SUPT7L: variants seen among roughly 807,000 people sequenced by gnomAD.
The protein encoded by SUPT7L is STAGA complex 65 subunit gamma.
A neutral mutation model predicts 35.7 loss-of-function variants in SUPT7L; 15 were observed. The ratio of observed to expected loss-of-function variants is 0.42; its 90% CI spans 0.28 to 0.65. SUPT7L has a LOEUF of 0.65. SUPT7L is among the 30% of genes least tolerant of loss of function. The pLI is 0.23. For synonymous variants in SUPT7L, 168 were observed against 186.2 expected (o/e 0.90, Z 0.79); for missense variants, 434 against 522.2 (o/e 0.83, Z 1.65).
rs1264433987 is a variant in SUPT7L at position 27,651,433 on chromosome 2, A to AT, written c.*2051dup. The AT allele has an allele frequency of 6.6e-6, 1 of 152,336 alleles. No homozygotes were observed. The highest frequency in any genetic ancestry group is 1.5e-5 in the Non-Finnish European group (1 of 68,042). 9.4% of individuals were successfully genotyped at this position (152,336 alleles called of 1,614,324 possible). A position where few individuals can be genotyped will look rare whatever the true frequency, so the allele number is the denominator to read the frequency against. ...ATCCTCACATCATTTGCCTTCTCAT[A>AT]TTTCCCTCGTCTTGACCATCTGGTG... On this transcript the variant is annotated 3_prime_UTR_variant, in exon 6 of 6. Transcript: ENST00000337768.
intron 5 of SUPT7L, among the ~76,000 whole-genome samples, 180 bp downstream of exon 5, chr2:27,655,185 A>G (rs1208151543): frequency 3.3e-5 from 5 of 152,156 alleles, no homozygotes; most frequent in African/African-American, 4.8e-5. Context: ...TCTCTTCACT[A>G]ATTAGAAAGA....
chr2:27,660,813 A>G (rs530493547), intron 3 of SUPT7L, among the ~76,000 whole-genome samples, 171 bp downstream of exon 3: 67 of 152,368 alleles, frequency 4.4e-4, no homozygotes, highest in Middle Eastern at 6.8e-3. Flanking sequence ...AATTCTGAAG[A>G]CTGGCATTCA....
In SUPT7L at chr2:27,652,902, C is replaced by T. The variant is rs1000354894; in HGVS notation, c.*583G>A. The stretch of plus-strand genomic sequence containing the variant: ...TGTCTAAGCAAAAAAGGTGTCAGAC[C>T]TCTGATCTTATAAATAAGACACTTC... On this transcript the variant is annotated 3_prime_UTR_variant, in exon 6 of 6. Coordinates refer to ENST00000337768, the MANE Select transcript of SUPT7L (RefSeq NM_014860.3). 1 of 153,738 alleles carries T rather than the reference C, an allele frequency of 6.5e-6. No homozygotes were observed. Among genetic ancestry groups the T allele is most frequent in the African/African-American group, 2.4e-5 (1 of 41,412 alleles). 9.5% of individuals were successfully genotyped at this position (153,738 alleles called of 1,614,324 possible).
chr2:27,653,832 CAACT>C, intron 5 of SUPT7L, 85 bp from the exon 6 acceptor site: 1 of 1,508,034 alleles, frequency 6.6e-7, no homozygotes. Flanking sequence ...CACTCAGAAC[CAACT>C]AATATGCTTT....
At chr2:27,661,469 G>A (rs745827063) in intron 2 of SUPT7L, 81 bp from the exon 3 acceptor site, 222 of 1,574,198 alleles carry the variant, frequency 1.4e-4, no homozygotes, top group Non-Finnish European at 1.7e-4. Context: ...TTAAATCCTG[G>A]CAACTTTAGA....
In SUPT7L at chr2:27,657,235, C is replaced by G; in HGVS notation, c.744+110G>C. ...ATCATAAAAGTATGTTAAGTTCACT[C>G]TGTTCCAAGACTCTGTGCTCTGCAC... On this transcript the variant is annotated intron_variant, in intron 4 of 5. Transcript: ENST00000337768. The surrounding 1 kb of genome is among the most constrained non-coding windows in gnomAD (Gnocchi z 5.2). 8.3e-7 allele frequency: 1 copy of G among 1,204,436 alleles called. No homozygotes were observed. The highest frequency in any genetic ancestry group is 1.1e-6 in the Non-Finnish European group (1 of 870,284). The allele number at this position is 1,204,436 out of a possible 1,614,324, so 74.6% of individuals were successfully genotyped here.
rs749007353 is a variant in SUPT7L, at chr2:27,653,375, T to A, written c.*110A>T. On this transcript the variant is annotated 3_prime_UTR_variant, in exon 6 of 6. Coordinates refer to ENST00000337768, the MANE Select transcript of SUPT7L (RefSeq NM_014860.3). ...TTCCTCTGGAATTAGGAAAAACCAC[T>A]TGTGTTTAAGAACAGGAGTCAAATC... 1.9e-5 allele frequency: 27 copies of A among 1,454,862 alleles called. No homozygotes were observed. Among genetic ancestry groups the A allele is most frequent in the Admixed American group, 2.2e-5 (1 of 44,712 alleles). The allele number at this position is 1,454,862 out of a possible 1,614,324, so 90.1% of individuals were successfully genotyped here. A position where few individuals can be genotyped will look rare whatever the true frequency, so the allele number is the denominator to read the frequency against.
At chr2:27,662,378 A>T in intron 1 of SUPT7L, 97 bp from the exon 2 acceptor site, 1 of 589,428 alleles carries the variant, frequency 1.7e-6, no homozygotes, top group South Asian at 2.2e-5. Flanking sequence ...TGGAAGCACA[A>T]AGGAGGAGCT....
intron 3 of SUPT7L, among the ~76,000 whole-genome samples, chr2:27,658,060 G>A (rs1212091065): frequency 6.6e-6 from 1 of 152,078 alleles, no homozygotes; most frequent in African/African-American, 2.4e-5. Flanking sequence ...CATACATGCT[G>A]GGCAATATAT....
chr2:27,643,534 C>T, the SUPT7L span, among the ~76,000 whole-genome samples: 1 of 152,084 alleles, frequency 6.6e-6, no homozygotes, highest in Non-Finnish European at 1.5e-5. The surrounding 1 kb of genome is among the most constrained non-coding windows in gnomAD (Gnocchi z 4.0). Flanking sequence ...ACATATAGAT[C>T]TTATTCAGAT....
chr2:27,661,100 AG>A lies in SUPT7L; in HGVS notation c.302del (p.Pro101LeufsTer18). Reference protein sequence around the residue: ...TEGVKTEESEPLPSCPGSPPL... With the variant: ...TEGVKTEESEXLPSCPGSPPL... The stretch of plus-strand genomic sequence containing the variant: ...GAGGTGACCCAGGGCACGAGGGAAG[AG>A]GTTCACTCTCTTCAGTTTTTACACC... On this transcript the variant is annotated frameshift_variant, in exon 3 of 6. Transcript: ENST00000337768. LOFTEE classifies it high-confidence loss of function. 6.2e-7 allele frequency: 1 copy of A among 1,614,164 alleles called. No homozygotes were observed. The highest frequency in any genetic ancestry group is 8.5e-7 in the Non-Finnish European group (1 of 1,180,026).
chr2:27,642,952 T>TACACAC, the SUPT7L span, among the ~76,000 whole-genome samples: 318 of 38,028 alleles, frequency 8.4e-3, 1 homozygote, highest in African/African-American at 0.016. Flanking sequence ...TTTATATATA[T>TACACAC]ATATATACAC....
At chr2:27,656,535 C>T (rs1163667251) in intron 4 of SUPT7L, among the ~76,000 whole-genome samples, 1 of 152,102 alleles carries the variant, frequency 6.6e-6, no homozygotes, top group Non-Finnish European at 1.5e-5. Flanking sequence ...CCTCAGCCTC[C>T]CAAGCAGCTA....
At chr2:27,646,410 T>A (rs1674234389), downstream of SUPT7L, among the ~76,000 whole-genome samples, 2 of 152,260 alleles carry the variant, frequency 1.3e-5, no homozygotes, top group African/African-American at 4.8e-5. Context: ...TTCTGGACCG[T>A]TACATCTTAT....
rs549044658 is a variant in SUPT7L at position 27,651,212 on chromosome 2, C to T, written c.*2273G>A. ...AATTTTATCTCTATGAGTCAGTACTCCAACTTAGTGGTTCTCACATTGTGG... is the reference window on the plus strand; with the variant it reads ...AATTTTATCTCTATGAGTCAGTACTTCAACTTAGTGGTTCTCACATTGTGG... On this transcript the variant is annotated 3_prime_UTR_variant, in exon 6 of 6. Coordinates refer to ENST00000337768, the MANE Select transcript of SUPT7L (RefSeq NM_014860.3). 1.3e-5 allele frequency: 2 copies of T among 152,392 alleles called. No individual in the cohort carries two copies. The highest frequency in any genetic ancestry group is 1.3e-4 in the Admixed American group (2 of 15,298). The allele number at this position is 152,392 out of a possible 1,614,324, so 9.4% of individuals were successfully genotyped here.
downstream of SUPT7L, among the ~76,000 whole-genome samples, chr2:27,646,740 A>AT (rs955537738): frequency 9.4e-5 from 14 of 148,524 alleles, no homozygotes; most frequent in South Asian, 2.1e-4. Context: ...CAACACTAGC[A>AT]TTTTTTTTTT....
Position 27,661,160 on chromosome 2 carries a change from G to A in SUPT7L, c.243C>T (p.Ala81=), listed in dbSNP as rs1358149713. 6.8e-6 allele frequency: 11 copies of A among 1,613,988 alleles called. No homozygotes were observed. The highest frequency in any genetic ancestry group is 1.6e-4 in the Middle Eastern group (1 of 6,084). ...QHNRRLRNLI[A]TAQAQNQQQT... ...GCTGCTGATTCTGGGCCTGAGCTGT[G>A]GCAATAAGGTTGCGAAGACGTCGGT... The change falls in exon 3 of 6, where the codon GCC becomes GCT. Residue 81 remains alanine, a synonymous_variant. Coordinates refer to ENST00000337768, the MANE Select transcript of SUPT7L (RefSeq NM_014860.3).
chr2:27,661,947 C>G, intron 2 of SUPT7L: 1 of 599,472 alleles, frequency 1.7e-6, no homozygotes, highest in Non-Finnish European at 2.9e-6. Context: ...AACCATTAAT[C>G]TAAATGGCAT....
In SUPT7L at chr2:27,653,444, G is replaced by T; in HGVS notation, c.*41C>A. 6.3e-7 allele frequency: 1 copy of T among 1,577,002 alleles called. No homozygotes were observed. Among genetic ancestry groups the T allele is most frequent in the South Asian group, 1.1e-5 (1 of 87,824 alleles). ...TTCTAATACAAAAACCTTTTCTGTT[G>T]GGTCTAGTAGGTCTGGACAAAACAT... On this transcript the variant is annotated 3_prime_UTR_variant, in exon 6 of 6. Coordinates refer to ENST00000337768, the MANE Select transcript of SUPT7L (RefSeq NM_014860.3).
Sources: gnomAD v4.1 joint callset for allele counts (sites outside exome capture counted in the v4.1 genomes callset) on GRCh38, gnomAD v4.1.1 for gene constraint, Gnocchi (gnomAD v3.1) non-coding constraint, MANE v1.5 for transcripts, NCBI Gene and HGNC (gene_info 2026-07-23, HGNC 2026-07-21) for gene names.